Variants in VPS52 observed in about 807,000 individuals in gnomAD.
VPS52 encodes vacuolar protein sorting-associated protein 52 homolog.
In VPS52, 56 loss-of-function variants were observed where a neutral mutation model predicts 98.7. The observed-to-expected ratio is 0.57, with a 90% confidence interval of 0.46 to 0.71. The LOEUF (loss-of-function observed/expected upper bound fraction) is 0.71, where lower values mean the gene tolerates loss of function less well. Among genes scored for constraint, VPS52 ranks in the 30% least tolerant of loss-of-function variants. The pLI, the probability that VPS52 is intolerant of heterozygous loss-of-function variation, is 0.00. For missense variants in VPS52, 742 were observed against 925.9 expected (o/e 0.80, Z 2.58); for synonymous variants, 348 against 346.4 (o/e 1.00, Z -0.05).
chr6:33,250,746 A>G lies in VPS52; in HGVS notation c.*95T>C. On this transcript the variant is annotated 3_prime_UTR_variant, in exon 20 of 20. Transcript: ENST00000445902. ...GTCAAGGGCCTGGGAAGCAAGGGGA[A>G]AACTGGAAGGGGTACCCCAGGTGAA... is the stretch of plus-strand genomic sequence containing the variant. The G allele has an allele frequency of 1.3e-6, 2 of 1,515,920 alleles. No homozygotes were observed. Among genetic ancestry groups the G allele is most frequent in the South Asian group, 2.5e-5 (2 of 78,672 alleles). 93.9% of individuals were successfully genotyped at this position (1,515,920 alleles called of 1,614,324 possible).
chr6:33,263,301 A>G (rs926602286), intron 17 of VPS52, among the ~76,000 whole-genome samples, 183 bp downstream of exon 17: 2 of 151,250 alleles, frequency 1.3e-5, no homozygotes, highest in African/African-American at 4.9e-5. Context: ...ACAAAATAAA[A>G]TAAAATAGAC....
chr6:33,268,608 T>A lies in VPS52; in HGVS notation c.590A>T (p.Glu197Val). 1 of 1,610,062 alleles carries A rather than the reference T, an allele frequency of 6.2e-7. No homozygotes were observed. Reference protein sequence around the residue: ...EAPVTEPRFLEQLQELDAKAA... With the variant: ...EAPVTEPRFLVQLQELDAKAA... ...CTTGGCATCCAGCTCCTGTAGCTGC[T>A]CCAAGAACCTGGGCTCTGTCACTGG... Residue 197 changes from glutamate (E) to valine (V), a missense_variant, in exon 7 of 20, where the codon GAG (glutamate) becomes GTG (valine). Physicochemically the swap from Glu to Val is moderately radical, Grantham distance 121. Transcript: ENST00000445902. The surrounding 1 kb of genome is among the most constrained non-coding windows in gnomAD (Gnocchi z 4.0).
intron 1 of VPS52, 33 bp from the exon 2 acceptor site, chr6:33,270,316 C>T (rs374858353): frequency 9.6e-6 from 15 of 1,563,184 alleles, no homozygotes; most frequent in African/African-American, 4.1e-5. Flanking sequence ...GAGTAGGGTA[C>T]GGTGAAAGAC....
chr6:33,268,373 G>T lies in VPS52; in HGVS notation c.699+126C>A. 1 of 1,368,764 alleles carries T rather than the reference G, an allele frequency of 7.3e-7. No individual in the cohort carries two copies. Among genetic ancestry groups the T allele is most frequent in the Non-Finnish European group, 1.0e-6 (1 of 997,074 alleles). The allele number at this position is 1,368,764 out of a possible 1,614,324, so 84.8% of individuals were successfully genotyped here. On this transcript the variant is annotated intron_variant, in intron 7 of 19. Transcript: ENST00000445902. The surrounding 1 kb of genome is among the most constrained non-coding windows in gnomAD (Gnocchi z 4.0). ...AACCCAGAGAGACAAGAATGGGGCT[G>T]CCCAGAAAAGGCAGGGTGAAGTCCC...
intron 17 of VPS52, among the ~76,000 whole-genome samples, chr6:33,256,463 CAAAAAAAAAAAAAAAAAAAAAA>C (rs9280385): frequency 0.037 from 3,077 of 83,698 alleles, 174 homozygotes; most frequent in African/African-American, 0.14. Flanking sequence ...AAACCTGTCT[CAAAAAAAAAAAAAAAAAAAAAA>C]AAAAAAAAAA....
intron 16 of VPS52, 82 bp from the exon 17 acceptor site, chr6:33,263,631 G>C: frequency 6.3e-7 from 1 of 1,586,686 alleles, no homozygotes; most frequent in African/African-American, 1.3e-5. Context: ...CACACTTATT[G>C]TACTAAGCTG....
At chr6:33,263,414 CAGAG>C (rs1554258932) in intron 17 of VPS52, 66 bp downstream of exon 17, 643 of 968,878 alleles carry the variant, frequency 6.6e-4, no homozygotes, top group Non-Finnish European at 8.4e-4. Context: ...CACACACACA[CAGAG>C]AGAGAGAGAG....
At position 33,268,069 on chromosome 6, in the gene VPS52, A is replaced by C. The variant is rs769542017; in HGVS notation, c.800+39T>G. The C allele has an allele frequency of 1.7e-5, 27 of 1,612,718 alleles. No individual in the cohort carries two copies. The highest frequency in any genetic ancestry group is 2.2e-5 in the Non-Finnish European group (26 of 1,179,918). On this transcript the variant is annotated intron_variant, in intron 8 of 19. Coordinates refer to ENST00000445902, the MANE Select transcript of VPS52 (RefSeq NM_022553.6). This position sits in a 1 kb window ranked among gnomAD's most constrained non-coding sequence, Gnocchi z 4.0. ...GATGCCCACACTAGGCCGCTCAAAAACTCAAAGGCCATCCCATGCACTTCC... is the reference window on the plus strand; with the variant it reads ...GATGCCCACACTAGGCCGCTCAAAACCTCAAAGGCCATCCCATGCACTTCC...
At position 33,256,463 on chromosome 6, in the gene VPS52, C is replaced by CAAAAAAAAAAA. The variant is rs9280385; in HGVS notation, c.1795-4503_1795-4493dup. ...CTGAGTGACAGAGCAAAACCTGTCT[C>CAAAAAAAAAAA]AAAAAAAAAAAAAAAAAAAAAAAAA... On this transcript the variant is annotated intron_variant, in intron 17 of 19. Coordinates refer to ENST00000445902, the MANE Select transcript of VPS52 (RefSeq NM_022553.6). Among the ~76,000 whole-genome samples the CAAAAAAAAAAA allele has an allele frequency of 6.7e-4, 56 of 83,716 alleles. 1 individual carries two copies. The highest frequency in any genetic ancestry group is 1.1e-3 in the Admixed American group (8 of 7,414). 54.9% of individuals were successfully genotyped at this position (83,716 alleles called of 152,430 possible). A position where few individuals can be genotyped will look rare whatever the true frequency, so the allele number is the denominator to read the frequency against.
In VPS52 at chr6:33,271,680, C is replaced by A; in HGVS notation, c.-5G>T. 6.2e-7 allele frequency: 1 copy of A among 1,604,864 alleles called. No individual in the cohort carries two copies. The highest frequency in any genetic ancestry group is 8.5e-7 in the Non-Finnish European group (1 of 1,175,124). On this transcript the variant is annotated 5_prime_UTR_variant, in exon 1 of 20. Coordinates refer to ENST00000445902, the MANE Select transcript of VPS52 (RefSeq NM_022553.6). ...CATGGTCGCAGCGGCGGCCATTCCCCGCAGCCTCACTTCCGGCAACTGTCA... is the reference window on the plus strand; with the variant it reads ...CATGGTCGCAGCGGCGGCCATTCCCAGCAGCCTCACTTCCGGCAACTGTCA...
intron 17 of VPS52, among the ~76,000 whole-genome samples, chr6:33,257,652 G>C (rs2150809923): frequency 6.6e-6 from 1 of 152,268 alleles, no homozygotes; most frequent in East Asian, 1.9e-4. Flanking sequence ...ACCCGCCTCA[G>C]CCTCCCAAAG....
intron 4 of VPS52, 27 bp downstream of exon 4, chr6:33,269,717 C>T: frequency 6.2e-7 from 1 of 1,609,572 alleles, no homozygotes; most frequent in South Asian, 1.1e-5. Flanking sequence ...GTCAATAGCA[C>T]CACCCCTTCC....
Position 33,267,817 on chromosome 6 carries a change from C to T in VPS52, c.933+48G>A. On this transcript the variant is annotated intron_variant, in intron 9 of 19. Transcript: ENST00000445902. This position sits in a 1 kb window ranked among gnomAD's most constrained non-coding sequence, Gnocchi z 4.2. Reference sequence around the variant, plus strand: ...AATATTCCTTGCCCAGGGATGTCCCCTCCTCCCAGTCCATGTGCCCAGGAA... The same window carrying T: ...AATATTCCTTGCCCAGGGATGTCCCTTCCTCCCAGTCCATGTGCCCAGGAA... 1 of 1,612,980 alleles carries T rather than the reference C, an allele frequency of 6.2e-7. No homozygotes were observed. The highest frequency in any genetic ancestry group is 8.5e-7 in the Non-Finnish European group (1 of 1,179,976).
intron 16 of VPS52, 63 bp from the exon 17 acceptor site, chr6:33,263,612 C>A (rs1763930584): frequency 6.2e-7 from 1 of 1,603,768 alleles, no homozygotes; most frequent in Non-Finnish European, 8.5e-7. Flanking sequence ...CAGGATGTCC[C>A]CTTCATTCCA....
In VPS52 at chr6:33,267,448, G is replaced by A. The variant is rs558655661; in HGVS notation, c.992-127C>T. ...CTCTTTCCCAGTACTAGGGCCCCAC[G>A]TGCTGACATCTGTGAATGGGCTTCA... On this transcript the variant is annotated intron_variant, in intron 10 of 19. Coordinates refer to ENST00000445902, the MANE Select transcript of VPS52 (RefSeq NM_022553.6). The surrounding 1 kb of genome is among the most constrained non-coding windows in gnomAD (Gnocchi z 4.2). The A allele has an allele frequency of 4.2e-6, 6 of 1,424,140 alleles. No individual in the cohort carries two copies. Among genetic ancestry groups the A allele is most frequent in the Admixed American group, 2.5e-5 (1 of 40,696 alleles). 88.2% of individuals were successfully genotyped at this position (1,424,140 alleles called of 1,614,324 possible). A position where few individuals can be genotyped will look rare whatever the true frequency, so the allele number is the denominator to read the frequency against.
At chr6:33,264,564 G>C (rs1764062339) in intron 13 of VPS52, 67 bp from the exon 14 acceptor site, 1 of 1,602,478 alleles carries the variant, frequency 6.2e-7, no homozygotes, top group African/African-American at 1.3e-5. Context: ...GAGGGAGTGG[G>C]GCATCATTCA....
Position 33,264,056 on chromosome 6 carries a change from G to A in VPS52, c.1572C>T (p.Asn524=), listed in dbSNP as rs1763980764. The A allele has an allele frequency of 1.2e-6, 2 of 1,614,088 alleles. No homozygotes were observed. The highest frequency in any genetic ancestry group is 1.7e-6 in the Non-Finnish European group (2 of 1,180,054). The change falls in exon 15 of 20, where the codon AAC becomes AAT. Residue 524 remains asparagine (N), a synonymous_variant. Transcript: ENST00000445902. ...AEFSSALVSI[N]QTIPNERTMQ... ...TGGTCCGTTCATTAGGAATTGTCTGGTTGATACTGACAAGAGCGGAGGAGA... is the reference window on the plus strand; with the variant it reads ...TGGTCCGTTCATTAGGAATTGTCTGATTGATACTGACAAGAGCGGAGGAGA...
In VPS52 at chr6:33,264,507, T is replaced by C. The variant is rs1220799996; in HGVS notation, c.1401-10A>G. On this transcript the variant is annotated splice_polypyrimidine_tract_variant and intron_variant, in intron 13 of 19. Coordinates refer to ENST00000445902, the MANE Select transcript of VPS52 (RefSeq NM_022553.6). The stretch of plus-strand genomic sequence containing the variant: ...CACCTGTTCCCAGTACCTGTGGGCT[T>C]AATCAGAATCAGAGGTCAGCCAGCA... 6.2e-7 allele frequency: 1 copy of C among 1,613,742 alleles called. No homozygotes were observed. Among genetic ancestry groups the C allele is most frequent in the Non-Finnish European group, 8.5e-7 (1 of 1,179,942 alleles).
rs775407704 is a variant in VPS52, at chr6:33,267,298, G to A, written c.1015C>T (p.Arg339Cys). 70 of 1,597,718 alleles carry A rather than the reference G, an allele frequency of 4.4e-5. No individual in the cohort carries two copies. Among genetic ancestry groups the A allele is most frequent in the Admixed American group, 3.7e-4 (21 of 57,154 alleles). Reference sequence around the variant, plus strand: ...AGGGTGAAAATGGTGTTCCTGCTGCGGAGCGATGGCTTTGAGAAGAATCGT... The same window carrying A: ...AGGGTGAAAATGGTGTTCCTGCTGCAGAGCGATGGCTTTGAGAAGAATCGT... ...KKGFFSKPSL[R>C]SRNTIFTLGT... The change falls in exon 11 of 20, where the codon CGC becomes TGC. Residue 339 changes from arginine (R) to cysteine (C), a missense_variant. Physicochemically the swap from Arg to Cys is radical, Grantham distance 180 (BLOSUM62 -3). Transcript: ENST00000445902. This position sits in a 1 kb window ranked among gnomAD's most constrained non-coding sequence, Gnocchi z 4.2.
Sources: allele counts gnomAD v4.1 joint callset (sites outside exome capture counted in the v4.1 genomes callset), GRCh38; gene constraint gnomAD v4.1.1; non-coding constraint Gnocchi (gnomAD v3.1); transcripts MANE v1.5; gene names NCBI Gene and HGNC (gene_info 2026-07-23, HGNC 2026-07-21).